The following RAD51B variants were observed in gnomAD, a reference collection of about 807,000 sequenced individuals.
RAD51B encodes the protein DNA repair protein RAD51 homolog 2.
Under a neutral mutation model 42.2 loss-of-function variants are expected in RAD51B, and 38 were observed. The observed-to-expected ratio is 0.90, with a 90% CI of 0.70 to 1.18. The LOEUF is 1.18. RAD51B is among the 50% of genes most tolerant of loss of function. The pLI is 0.00. For synonymous variants in RAD51B, 154 were observed against 145.2 expected (o/e 1.06, Z -0.43); for missense variants, 373 against 400.7 (o/e 0.93, Z 0.59).
intron 7 of RAD51B, among the ~76,000 whole-genome samples, chr14:67,977,197 ATCCTTTTAC>A (rs1345631711): frequency 6.6e-6 from 1 of 152,150 alleles, no homozygotes; most frequent in Admixed American, 6.5e-5. Context: ...TGACAGCAAA[ATCCTTTTAC>A]TTCTCGCATC....
chr14:68,359,115 A>C (rs1184175134), intron 8 of RAD51B, among the ~76,000 whole-genome samples: 2 of 151,998 alleles, frequency 1.3e-5, no homozygotes, highest in Admixed American at 1.3e-4. Context: ...ATGCATCTGA[A>C]ATGGAGTTTT....
Position 68,272,064 on chromosome 14 carries a change from A to G in RAD51B, c.757-19820A>G, listed in dbSNP as rs546053112. ...TTGCCCTGTCACCAACAGTTCTGTT[A>G]TGATTTCAGAACTTAATTTCTAATT... On this transcript the variant is annotated intron_variant, in intron 7 of 10. Coordinates refer to ENST00000471583, the MANE Select transcript of RAD51B (RefSeq NM_133510.4). 4.5e-4 allele frequency among the ~76,000 whole-genome samples: 68 copies of G among 152,342 alleles called. 2 individuals carry two copies. The highest frequency in any genetic ancestry group is 3.3e-4 in the Admixed American group (5 of 15,300).
Position 68,369,008 on chromosome 14 carries a change from C to T in RAD51B, c.854-42416C>T, listed in dbSNP as rs552779277. On this transcript the variant is annotated intron_variant, in intron 8 of 10. Transcript: ENST00000471583. ...TTTAGGGTTTTCCCCCATCTGTGTA[C>T]AGTGAGATAGCAACCACAAAAAAAC... is the stretch of plus-strand genomic sequence containing the variant. Among the ~76,000 whole-genome samples, 6 of 152,126 alleles carry T rather than the reference C, an allele frequency of 3.9e-5. No homozygotes were observed. The South Asian group carries it at 1.3e-3, about 32-fold the overall frequency.
chr14:67,874,327 A>G (rs906913158), intron 5 of RAD51B, among the ~76,000 whole-genome samples: 7 of 152,152 alleles, frequency 4.6e-5, no homozygotes, highest in Admixed American at 4.6e-4. Flanking sequence ...GGTTTGTTGA[A>G]CCCACAGCCC....
intron 8 of RAD51B, among the ~76,000 whole-genome samples, chr14:68,377,916 A>G (rs2083403719): frequency 6.6e-6 from 1 of 152,196 alleles, no homozygotes; most frequent in African/African-American, 2.4e-5. Flanking sequence ...ACTTTTTATG[A>G]AGTTTTTTTT....
At chr14:68,473,541 A>G (rs1188430822) in intron 10 of RAD51B, among the ~76,000 whole-genome samples, 1 of 146,032 alleles carries the variant, frequency 6.8e-6, no homozygotes, top group African/African-American at 2.4e-5. Context: ...TGCTTTGTTT[A>G]CTTTTTTTTT....
chr14:68,009,411 T>C (rs2075647389), intron 7 of RAD51B, among the ~76,000 whole-genome samples: 1 of 151,978 alleles, frequency 6.6e-6, no homozygotes, highest in Non-Finnish European at 1.5e-5. Flanking sequence ...CTATCATTCA[T>C]CACTTTCTAT....
chr14:68,672,808 G>T (rs1227727360), intron 11 of RAD51B, among the ~76,000 whole-genome samples: 1 of 152,208 alleles, frequency 6.6e-6, no homozygotes, highest in Non-Finnish European at 1.5e-5. Context: ...CCAGGATGCA[G>T]CTTCATGGTG....
intron 9 of RAD51B, among the ~76,000 whole-genome samples, chr14:68,460,250 G>A (rs1452012974): frequency 5.9e-5 from 9 of 152,072 alleles, no homozygotes; most frequent in Admixed American, 2.6e-4. Flanking sequence ...TCAGGAGTTC[G>A]AGACCAGCCT....
intron 10 of RAD51B, among the ~76,000 whole-genome samples, chr14:68,590,266 T>C (rs1176016605): frequency 6.6e-6 from 1 of 152,224 alleles, no homozygotes; most frequent in Non-Finnish European, 1.5e-5. Context: ...GCATTTGCCA[T>C]GCATCTCTTC....
chr14:68,198,007 T>C (rs1299854817), intron 7 of RAD51B, among the ~76,000 whole-genome samples: 2 of 152,182 alleles, frequency 1.3e-5, no homozygotes, highest in African/African-American at 4.8e-5. Context: ...TTATAGCCTT[T>C]TAAAGAAATC....
At chr14:68,377,806 G>A (rs976448333) in intron 8 of RAD51B, among the ~76,000 whole-genome samples, 14 of 152,178 alleles carry the variant, frequency 9.2e-5, no homozygotes, top group African/African-American at 2.4e-4. Context: ...TCACAGGCCC[G>A]AGTTCCTTCA....
chr14:68,010,621 G>A (rs992000894), intron 7 of RAD51B, among the ~76,000 whole-genome samples: 2 of 151,710 alleles, frequency 1.3e-5, no homozygotes, highest in African/African-American at 2.4e-5. Flanking sequence ...CTTGTAAAAT[G>A]TTATTATTTT....
chr14:68,431,579 T>A (rs2085007687), intron 9 of RAD51B, among the ~76,000 whole-genome samples: 1 of 152,234 alleles, frequency 6.6e-6, no homozygotes, highest in South Asian at 2.1e-4. Flanking sequence ...TTTGTATTTC[T>A]GTGGGATCAG....
intron 3 of RAD51B, among the ~76,000 whole-genome samples, chr14:67,833,212 C>T (rs2041114817): frequency 6.6e-6 from 1 of 152,212 alleles, no homozygotes; most frequent in East Asian, 1.9e-4. Context: ...CCCGTCTCTA[C>T]TAAAAATACA....
intron 7 of RAD51B, among the ~76,000 whole-genome samples, chr14:68,120,611 G>A (rs2077632998): frequency 6.6e-6 from 1 of 152,150 alleles, no homozygotes; most frequent in Non-Finnish European, 1.5e-5. Context: ...CATCTGAGAA[G>A]GACAGGTCTT....
At chr14:68,119,627 G>C (rs1475853390) in intron 7 of RAD51B, among the ~76,000 whole-genome samples, 1 of 149,424 alleles carries the variant, frequency 6.7e-6, no homozygotes, top group Non-Finnish European at 1.5e-5. Context: ...TTTCATCCAT[G>C]TCCCTACAAA....
At chr14:68,027,382 C>T (rs2075971867) in intron 7 of RAD51B, among the ~76,000 whole-genome samples, 1 of 151,966 alleles carries the variant, frequency 6.6e-6, no homozygotes, top group Non-Finnish European at 1.5e-5. Flanking sequence ...ATTTACATGT[C>T]AACGTGAGAT....
intron 8 of RAD51B, among the ~76,000 whole-genome samples, chr14:68,303,457 T>TAAAAAAAAAA (rs58955054): frequency 7.2e-5 from 10 of 138,716 alleles, no homozygotes; most frequent in African/African-American, 1.7e-4. Flanking sequence ...TAAAGTATAA[T>TAAAAAAAAAA]AAAAAAAAAA....
Sources: allele counts gnomAD v4.1 joint callset (sites outside exome capture counted in the v4.1 genomes callset), GRCh38; gene constraint gnomAD v4.1.1; transcripts MANE v1.5; gene names NCBI Gene and HGNC (gene_info 2026-07-23, HGNC 2026-07-21).